Variants in TREM1 observed in about 807,000 individuals in gnomAD.
TREM1 encodes the protein triggering receptor expressed on myeloid cells 1, also known as triggering receptor expressed on monocytes 1.
In TREM1, 16 loss-of-function variants were observed where a neutral mutation model predicts 22.4. That is an observed-to-expected ratio of 0.71 (90% CI 0.48 to 1.08). TREM1 has a LOEUF of 1.08. Ranked by LOEUF, TREM1 falls within the 50% of genes least tolerant of loss-of-function variation. The pLI, the probability that TREM1 is intolerant of heterozygous loss-of-function variation, is 0.00. For missense variants in TREM1, 283 were observed against 282.9 expected (o/e 1.00, Z 0.00); for synonymous variants, 110 against 111.6 (o/e 0.99, Z 0.09).
downstream of TREM1, among the ~76,000 whole-genome samples, chr6:41,273,339 C>A (rs1767541937): frequency 6.6e-6 from 1 of 152,194 alleles, no homozygotes; most frequent in Non-Finnish European, 1.5e-5. Context: ...CCCTAGAATT[C>A]CCTTGCTGTT....
chr6:41,278,258 T>C (rs567945374), intron 3 of TREM1, among the ~76,000 whole-genome samples: 83 of 152,228 alleles, frequency 5.5e-4, no homozygotes, highest in African/African-American at 1.9e-3. Flanking sequence ...TACAGCTTGC[T>C]TCTGGGGAAA....
At chr6:41,286,216 T>G (rs948244362) in intron 1 of TREM1, among the ~76,000 whole-genome samples, 1 of 152,196 alleles carries the variant, frequency 6.6e-6, no homozygotes, top group Admixed American at 6.5e-5. Flanking sequence ...TGGGAAATAT[T>G]TGTTAAATCA....
At chr6:41,278,322 G>A (rs1767753736) in intron 3 of TREM1, among the ~76,000 whole-genome samples, 1 of 152,112 alleles carries the variant, frequency 6.6e-6, no homozygotes, top group Non-Finnish European at 1.5e-5. Flanking sequence ...TCCATCCCCA[G>A]GATAGCGTCT....
intron 1 of TREM1, among the ~76,000 whole-genome samples, chr6:41,283,720 A>C (rs1383994330): frequency 2.4e-5 from 3 of 126,592 alleles, no homozygotes; most frequent in East Asian, 4.0e-4. Flanking sequence ...AAAAAAAAAA[A>C]CACACACACA....
chr6:41,280,526 C>T (rs1373634018), intron 3 of TREM1: 1 of 1,067,492 alleles, frequency 9.4e-7, no homozygotes, highest in Non-Finnish European at 1.1e-6. Context: ...GGGTTTCTAC[C>T]ATGCCTACTG....
intron 3 of TREM1, chr6:41,280,370 C>T (rs1233614513): frequency 1.0e-6 from 1 of 988,018 alleles, no homozygotes; most frequent in Non-Finnish European, 1.2e-6. Context: ...GGGACCTCAT[C>T]TGCAAAAATT....
Position 41,276,182 on chromosome 6 carries a change from A to G in TREM1, c.648T>C (p.Ser216=). Residue 216 remains serine (S), a synonymous_variant, in exon 4 of 4, where the codon AGT becomes AGC. Transcript: ENST00000244709. ...ACAGGACAGAGAAGACCAGGCTCTT[A>G]CTCAGGAATCCACCAGCCAGGAGAA... The part of the protein sequence containing the change: ...IVILLAGGFL[S]KSLVFSVLFA... 1 of 1,614,134 alleles carries G rather than the reference A, an allele frequency of 6.2e-7. No individual in the cohort carries two copies. The highest frequency in any genetic ancestry group is 8.5e-7 in the Non-Finnish European group (1 of 1,180,018).
chr6:41,270,712 T>G (rs976417821), downstream of TREM1, among the ~76,000 whole-genome samples: 6 of 152,030 alleles, frequency 3.9e-5, no homozygotes, highest in African/African-American at 1.5e-4. Flanking sequence ...GTTCTTTTGT[T>G]TTTGTCTTTG....
downstream of TREM1, among the ~76,000 whole-genome samples, chr6:41,268,683 A>G (rs1367757479): frequency 6.6e-6 from 1 of 152,226 alleles, no homozygotes; most frequent in Non-Finnish European, 1.5e-5. Context: ...AAGTATGATC[A>G]AGGCAGAGAG....
rs995791154 is a variant in TREM1 at position 41,274,089 on chromosome 6, G to A, written c.*2036C>T. ...ATAATATTTCAGTCACGTTTAATAT[G>A]TTGGACTTAAATAACACTTGATCTA... On this transcript the variant is annotated 3_prime_UTR_variant, in exon 4 of 4. Transcript: ENST00000244709. Among the ~76,000 whole-genome samples, 2 of 152,214 alleles carry A rather than the reference G, an allele frequency of 1.3e-5. No individual in the cohort carries two copies. Among genetic ancestry groups the A allele is most frequent in the Admixed American group, 6.5e-5 (1 of 15,280 alleles).
Position 41,280,734 on chromosome 6 carries a change from A to C in TREM1, c.599+227T>G. Reference sequence around the variant, plus strand: ...TCTCTTTAATACTCAGGTTGCAAGGAAACAAAGAAGGTGAACTGGGGAGAA... The same window carrying C: ...TCTCTTTAATACTCAGGTTGCAAGGCAACAAAGAAGGTGAACTGGGGAGAA... On this transcript the variant is annotated intron_variant, in intron 3 of 3. Transcript: ENST00000244709. 2.1e-6 allele frequency: 3 copies of C among 1,438,236 alleles called. No homozygotes were observed. In the African/African-American group the frequency reaches 4.3e-5, roughly 21 times the overall value. The allele number at this position is 1,438,236 out of a possible 1,614,324, so 89.1% of individuals were successfully genotyped here.
At chr6:41,270,082 G>T (rs1767436836), downstream of TREM1, 1 of 152,224 alleles carries the variant, frequency 6.6e-6, no homozygotes, top group African/African-American at 2.4e-5. Flanking sequence ...GAGCACCAGA[G>T]TCTCTGGGGG....
chr6:41,282,060 C>A (rs1177095918), intron 2 of TREM1: 1 of 268,574 alleles, frequency 3.7e-6, no homozygotes, highest in Non-Finnish European at 7.1e-6. Context: ...GCTTCAGAAG[C>A]ACACAGGCAT....
chr6:41,280,396 T>C (rs1241585121), intron 3 of TREM1: 3 of 989,434 alleles, frequency 3.0e-6, no homozygotes, highest in East Asian at 2.2e-4. Flanking sequence ...TCTATTTATC[T>C]ATAATTGGGC....
Position 41,282,891 on chromosome 6 carries a change from A to G in TREM1, c.50-140T>C, listed in dbSNP as rs1581635131. ...GGTTCTTGAGGCCTCCAGAGAAAAT[A>G]CAACTTGCCCTGCAAGCCAGCACTA... On this transcript the variant is annotated intron_variant, in intron 1 of 3. Transcript: ENST00000244709. 9.1e-6 allele frequency: 7 copies of G among 773,334 alleles called. No individual in the cohort carries two copies. In the East Asian group the frequency reaches 1.7e-4, roughly 19 times the overall value. The allele number at this position is 773,334 out of a possible 1,614,324, so 47.9% of individuals were successfully genotyped here.
intron 1 of TREM1, among the ~76,000 whole-genome samples, chr6:41,284,032 C>T (rs1436653962): frequency 6.6e-6 from 1 of 152,038 alleles, no homozygotes; most frequent in African/African-American, 2.4e-5. Flanking sequence ...TTATCTGAGT[C>T]ATGGACTCAG....
downstream of TREM1, among the ~76,000 whole-genome samples, chr6:41,267,710 T>C (rs1241701898): frequency 6.6e-6 from 1 of 152,028 alleles, no homozygotes; most frequent in African/African-American, 2.4e-5. Flanking sequence ...CTGGGTAACA[T>C]AGCAAGACTC....
chr6:41,273,592 G>A (rs964451185), downstream of TREM1, among the ~76,000 whole-genome samples: 1 of 152,222 alleles, frequency 6.6e-6, no homozygotes, highest in Non-Finnish European at 1.5e-5. Flanking sequence ...GCAAGACACC[G>A]CTGGCTCATT....
downstream of TREM1, among the ~76,000 whole-genome samples, chr6:41,268,708 C>G (rs558087997): frequency 1.8e-4 from 28 of 152,318 alleles, no homozygotes; most frequent in African/African-American, 6.7e-4. Context: ...CAAGAATCCA[C>G]AATCTTCTAT....
Sources: gnomAD v4.1 joint callset for allele counts (sites outside exome capture counted in the v4.1 genomes callset) on GRCh38, gnomAD v4.1.1 for gene constraint, MANE v1.5 for transcripts, NCBI Gene and HGNC (gene_info 2026-07-23, HGNC 2026-07-21) for gene names.